BCAR3: variants seen among roughly 807,000 people sequenced by gnomAD.
BCAR3 encodes the protein breast cancer anti-estrogen resistance protein 3.
In BCAR3, 37 loss-of-function variants were observed where a neutral mutation model predicts 80.1. The ratio of observed to expected loss-of-function variants is 0.46; its 90% CI spans 0.36 to 0.61. The LOEUF (loss-of-function observed/expected upper bound fraction) is 0.61, where lower values mean the gene tolerates loss of function less well. BCAR3 is among the 20% of genes least tolerant of loss of function. The probability of loss-of-function intolerance (pLI) is 0.00; values close to 1 mark genes in which losing one functional copy is unlikely to be tolerated. For synonymous variants in BCAR3, 389 were observed against 418.9 expected, an observed-to-expected ratio of 0.93 and a Z score of 0.87; for missense variants, 978 against 1,068.2, an observed-to-expected ratio of 0.92 and a Z score of 1.18.
At chr1:93,590,094 C>T (rs1377502606) in intron 4 of BCAR3, among the ~76,000 whole-genome samples, 1 of 152,132 alleles carries the variant, frequency 6.6e-6, no homozygotes, top group African/African-American at 2.4e-5. Flanking sequence ...TCTGGACACA[C>T]CAATTACTGG....
intron 2 of BCAR3, among the ~76,000 whole-genome samples, chr1:93,708,871 G>A (rs765837565): frequency 6.6e-6 from 1 of 152,186 alleles, no homozygotes; most frequent in Non-Finnish European, 1.5e-5. Flanking sequence ...GAGGTTGGCA[G>A]GCTGTTTTAT....
chr1:93,697,093 C>T (rs1050514063), intron 3 of BCAR3, among the ~76,000 whole-genome samples: 18 of 152,366 alleles, frequency 1.2e-4, no homozygotes, highest in African/African-American at 4.1e-4. Context: ...CAGCGCACCT[C>T]GAGCTCTGCC....
At position 93,840,969 on chromosome 1, in the gene BCAR3, A is replaced by C. The variant is rs556734912; in HGVS notation, c.-63+4598T>G. On this transcript the variant is annotated intron_variant, in intron 2 of 13. Transcript: ENST00000370244. Reference sequence around the variant, plus strand: ...AAGGAAAAGAAGACGTGCTCCCCCCACTTTCCTCCCACTCCCCCAAGATGC... The same window carrying C: ...AAGGAAAAGAAGACGTGCTCCCCCCCCTTTCCTCCCACTCCCCCAAGATGC... Among the ~76,000 whole-genome samples the C allele has an allele frequency of 7.9e-5, 12 of 152,144 alleles. No individual in the cohort carries two copies. In the South Asian group the frequency reaches 2.5e-3, roughly 32 times the overall value.
intron 2 of BCAR3, among the ~76,000 whole-genome samples, chr1:93,782,165 C>T (rs1296297045): frequency 6.6e-6 from 1 of 152,166 alleles, no homozygotes; most frequent in Non-Finnish European, 1.5e-5. Context: ...GAGCAGATCA[C>T]ACCAAGGCTG....
At chr1:93,618,943 T>G (rs117783476) in intron 3 of BCAR3, among the ~76,000 whole-genome samples, 1,619 of 151,110 alleles carry the variant, frequency 0.011, 28 homozygotes, top group East Asian at 0.09. Context: ...TTTTTTGTTT[T>G]TTTTTTTTTA....
chr1:93,789,677 C>T (rs866060290), intron 2 of BCAR3, among the ~76,000 whole-genome samples: 15 of 152,272 alleles, frequency 9.9e-5, no homozygotes, highest in Middle Eastern at 3.4e-3. Context: ...AATGTCCTTA[C>T]GCTATTGTTC....
intron 2 of BCAR3, among the ~76,000 whole-genome samples, chr1:93,765,747 A>G (rs996082207): frequency 7.3e-5 from 11 of 151,384 alleles, no homozygotes; most frequent in Non-Finnish European, 1.5e-4. Context: ...GCTCACTGCA[A>G]CCTCCGCCTC....
At chr1:93,571,868 G>C in intron 8 of BCAR3, 27 bp from the exon 9 acceptor site, 1 of 1,602,410 alleles carries the variant, frequency 6.2e-7, no homozygotes, top group Admixed American at 1.7e-5. Flanking sequence ...CAGCGGTCAG[G>C]TTCAGGGCCA....
chr1:93,843,866 C>T (rs1412081661), intron 2 of BCAR3, among the ~76,000 whole-genome samples: 2 of 152,292 alleles, frequency 1.3e-5, no homozygotes, highest in African/African-American at 4.8e-5. Flanking sequence ...GTAGGCCTAA[C>T]TGTATTGTCC....
intron 3 of BCAR3, among the ~76,000 whole-genome samples, chr1:93,626,393 T>C (rs897700332): frequency 4.5e-4 from 68 of 152,242 alleles, no homozygotes; most frequent in African/African-American, 1.6e-3. Context: ...TTGCAGCTTT[T>C]AGTCTCTTAA....
chr1:93,646,602 C>CA (rs34089294), intron 2 of BCAR3: 2,992 of 69,096 alleles, frequency 0.043, 55 homozygotes, highest in South Asian at 0.083. Flanking sequence ...AACTCCGTCT[C>CA]AAAAAAAAAA....
chr1:93,565,771 G>A (rs1442441028), intron 11 of BCAR3, among the ~76,000 whole-genome samples: 1 of 152,174 alleles, frequency 6.6e-6, no homozygotes, highest in African/African-American at 2.4e-5. Flanking sequence ...CACAGCAGAT[G>A]GTGCAAACGA....
At chr1:93,606,040 A>T (rs1235051809) in intron 3 of BCAR3, among the ~76,000 whole-genome samples, 1 of 152,242 alleles carries the variant, frequency 6.6e-6, no homozygotes, top group East Asian at 1.9e-4. Context: ...GTCAGTGCTA[A>T]GTACGCAGCA....
intron 2 of BCAR3, among the ~76,000 whole-genome samples, chr1:93,813,477 T>C (rs746266203): frequency 3.3e-5 from 5 of 152,202 alleles, no homozygotes; most frequent in Non-Finnish European, 7.3e-5. Flanking sequence ...CTCATTCACT[T>C]TTAATATGGA....
At chr1:93,785,901 A>G (rs11164994) in intron 2 of BCAR3, among the ~76,000 whole-genome samples, 13,511 of 145,344 alleles carry the variant, frequency 0.093, 1,353 homozygotes, top group African/African-American at 0.15. Context: ...CTAGTAAGTC[A>G]TAAAAGTGCC....
chr1:93,769,355 ATGTGTGTGTGTGTG>A (rs59798936), intron 2 of BCAR3, among the ~76,000 whole-genome samples: 209 of 119,914 alleles, frequency 1.7e-3, no homozygotes, highest in Middle Eastern at 8.9e-3. Context: ...GTGGGTAGGA[ATGTGTGTGTGTGTG>A]TGTGTGTGTG....
At chr1:93,582,226 C>A in intron 7 of BCAR3, 75 bp downstream of exon 7, 1 of 1,528,564 alleles carries the variant, frequency 6.5e-7, no homozygotes, top group African/African-American at 1.4e-5. Flanking sequence ...CTACAAAAGC[C>A]AGAGGAGCAC....
intron 2 of BCAR3, among the ~76,000 whole-genome samples, chr1:93,840,594 G>A (rs1323136139): frequency 6.6e-6 from 1 of 152,174 alleles, no homozygotes; most frequent in East Asian, 1.9e-4. Context: ...AGGCAGAGAT[G>A]TCATTCTGAG....
At position 93,584,103 on chromosome 1, in the gene BCAR3, ACCACTCTTTTCT is replaced by A. The variant is rs1335219024; in HGVS notation, c.936_947del (p.Lys312_Gly316delinsAsn). Reference sequence around the variant, plus strand: ...TGTGATCCAGGCAGGCGGGCTGGCTACCACTCTTTTCTTTGTTTCTGAAGTAAAAGACACATA... The same window carrying A: ...TGTGATCCAGGCAGGCGGGCTGGCTATTGTTTCTGAAGTAAAAGACACATA... On this transcript the variant is annotated inframe_deletion, in exon 6 of 12. Transcript: ENST00000260502. 3.1e-6 allele frequency: 5 copies of A among 1,614,106 alleles called. No individual in the cohort carries two copies. The highest frequency in any genetic ancestry group is 4.2e-6 in the Non-Finnish European group (5 of 1,179,990).
Sources: gnomAD v4.1 joint callset for allele counts (sites outside exome capture counted in the v4.1 genomes callset) on GRCh38, gnomAD v4.1.1 for gene constraint, MANE v1.5 for transcripts, NCBI Gene and HGNC (gene_info 2026-07-23, HGNC 2026-07-21) for gene names.